The following PLEKHA2 variants were observed in gnomAD, a reference collection of about 807,000 sequenced individuals.
PLEKHA2 encodes pleckstrin homology domain containing A2, also known as pleckstrin homology domain-containing family A member 2.
In PLEKHA2, 28 loss-of-function variants were observed where a neutral mutation model predicts 53.2. The observed-to-expected ratio is 0.53, with a 90% CI of 0.39 to 0.72. The LOEUF (loss-of-function observed/expected upper bound fraction) is 0.72. Among genes scored for constraint, PLEKHA2 ranks in the 30% least tolerant of loss-of-function variants. PLEKHA2 has a pLI of 0.00. For synonymous variants in PLEKHA2, 193 were observed against 196.4 expected (o/e 0.98, Z 0.14); for missense variants, 426 against 537.9 (o/e 0.79, Z 2.06).
intron 11 of PLEKHA2, chr8:38,968,962 G>A (rs1465341142): frequency 8.7e-6 from 3 of 343,208 alleles, no homozygotes; most frequent in Non-Finnish European, 1.6e-5. Flanking sequence ...GCAGTGGCAC[G>A]ATCTCAGCTT....
At chr8:38,937,027 T>C (rs1393372249) in intron 3 of PLEKHA2, among the ~76,000 whole-genome samples, 1 of 152,212 alleles carries the variant, frequency 6.6e-6, no homozygotes, top group Admixed American at 6.5e-5. Context: ...TTGGGAGTCT[T>C]GTACCCTGGC....
In PLEKHA2 at chr8:38,902,677, C is replaced by T. The variant is rs554366504; in HGVS notation, c.-24+1232C>T. 9.2e-5 allele frequency among the ~76,000 whole-genome samples: 14 copies of T among 152,196 alleles called. 1 individual carries two copies. Among genetic ancestry groups the T allele is most frequent in the African/African-American group, 2.4e-4 (10 of 41,516 alleles). ...TTTTTTCTTTGGTTGCGAAGCCTTC[C>T]GAAACAGCAAAGCAAAAGATCTTGA... On this transcript the variant is annotated intron_variant, in intron 1 of 11. Transcript: ENST00000617275.
intron 1 of PLEKHA2, among the ~76,000 whole-genome samples, chr8:38,916,377 T>C (rs1418170469): frequency 6.6e-6 from 1 of 152,224 alleles, no homozygotes; most frequent in East Asian, 1.9e-4. Flanking sequence ...CTAACTATTT[T>C]TTGTACCTAT....
chr8:38,928,236 C>CTTTTTTTT (rs11414317), intron 2 of PLEKHA2, among the ~76,000 whole-genome samples: 12 of 110,144 alleles, frequency 1.1e-4, no homozygotes, highest in South Asian at 3.3e-4. Context: ...CTGACCTGGT[C>CTTTTTTTT]TTTTTTTTTT....
chr8:38,918,865 G>A (rs1834129476), intron 2 of PLEKHA2, among the ~76,000 whole-genome samples: 1 of 152,182 alleles, frequency 6.6e-6, no homozygotes, highest in African/African-American at 2.4e-5. Context: ...GAATGATGCT[G>A]TCCTGACCCT....
At chr8:38,933,978 T>C (rs1381723211) in intron 2 of PLEKHA2, among the ~76,000 whole-genome samples, 1 of 151,934 alleles carries the variant, frequency 6.6e-6, no homozygotes, top group Non-Finnish European at 1.5e-5. Context: ...TCTAAGATTC[T>C]TGGGTTCTGA....
intron 5 of PLEKHA2, among the ~76,000 whole-genome samples, chr8:38,946,963 TC>T (rs1048821976): frequency 1.3e-5 from 2 of 152,158 alleles, no homozygotes; most frequent in Non-Finnish European, 2.9e-5. Flanking sequence ...TTGAGGGGCT[TC>T]CAGTAGTGAC....
chr8:38,965,019 C>A (rs1428271499), intron 10 of PLEKHA2, among the ~76,000 whole-genome samples: 1 of 150,770 alleles, frequency 6.6e-6, no homozygotes, highest in African/African-American at 2.4e-5. Context: ...AGTATCCAGC[C>A]GATTTTAATT....
chr8:38,944,382 T>G lies in PLEKHA2; in HGVS notation c.247+545T>G, dbSNP rs1358362093. On this transcript the variant is annotated intron_variant, in intron 4 of 11. Transcript: ENST00000617275. ...ATACAAAAAAATTAGCTGGGCGTGG[T>G]GGTGAGTACCTGTAATTCCAGCTAC... Among the ~76,000 whole-genome samples the G allele has an allele frequency of 5.3e-5, 8 of 151,834 alleles. 1 individual carries two copies. Among genetic ancestry groups the G allele is most frequent in the Admixed American group, 4.6e-4 (7 of 15,238 alleles).
chr8:38,904,353 G>A (rs1326701469), intron 1 of PLEKHA2, among the ~76,000 whole-genome samples: 1 of 152,258 alleles, frequency 6.6e-6, no homozygotes, highest in East Asian at 1.9e-4. Context: ...CTTTGGCCCT[G>A]TGGTGTGCCT....
At chr8:38,962,606 T>G (rs1289348234) in intron 10 of PLEKHA2, among the ~76,000 whole-genome samples, 1 of 152,236 alleles carries the variant, frequency 6.6e-6, no homozygotes, top group Non-Finnish European at 1.5e-5. Context: ...CAAAATCACA[T>G]TTCAATTCTT....
At chr8:38,921,523 C>T (rs1331529071) in intron 2 of PLEKHA2, among the ~76,000 whole-genome samples, 1 of 152,178 alleles carries the variant, frequency 6.6e-6, no homozygotes, top group East Asian at 1.9e-4. Flanking sequence ...TCAGGATTCC[C>T]CTCACTCTGA....
At chr8:38,928,955 C>T (rs909343744) in intron 2 of PLEKHA2, among the ~76,000 whole-genome samples, 1 of 152,172 alleles carries the variant, frequency 6.6e-6, no homozygotes, top group East Asian at 1.9e-4. Flanking sequence ...TTTGGTTGCT[C>T]ATGTCAGGGT....
intron 10 of PLEKHA2, among the ~76,000 whole-genome samples, chr8:38,964,865 TTTTTTTTTTTTTTTTTTG>T: frequency 7.9e-6 from 1 of 126,266 alleles, no homozygotes; most frequent in African/African-American, 3.1e-5. Context: ...TTTTTTTTTT[TTTTTTTTTTTTTTTTTTG>T]CAAAGGTTAG....
chr8:38,962,890 C>T (rs1467025983), intron 10 of PLEKHA2, among the ~76,000 whole-genome samples: 2 of 151,450 alleles, frequency 1.3e-5, no homozygotes, highest in Non-Finnish European at 1.5e-5. Flanking sequence ...ATGATGTCAC[C>T]TAGAACTATG....
At chr8:38,915,184 G>A (rs757330123) in intron 1 of PLEKHA2, among the ~76,000 whole-genome samples, 2 of 152,142 alleles carry the variant, frequency 1.3e-5, no homozygotes, top group Non-Finnish European at 2.9e-5. Context: ...GGCCTCAAGC[G>A]ATCCTCCCAC....
chr8:38,946,570 C>T (rs1019928498), intron 5 of PLEKHA2, among the ~76,000 whole-genome samples: 3 of 152,168 alleles, frequency 2.0e-5, no homozygotes, highest in Non-Finnish European at 4.4e-5. Context: ...AGGGGAAAAG[C>T]ATATGGGGAG....
Position 38,937,521 on chromosome 8 carries a change from G to A in PLEKHA2, c.198+1471G>A, listed in dbSNP as rs189638849. ...GCCTTTTTTTTTTATTTTTGGTTGG[G>A]GAAGAATGAATTCAGTCTCCTGCTG... On this transcript the variant is annotated intron_variant, in intron 3 of 11. Transcript: ENST00000617275. Among the ~76,000 whole-genome samples the A allele has an allele frequency of 5.3e-5, 8 of 152,196 alleles. No individual in the cohort carries two copies. In the East Asian group the frequency reaches 1.5e-3, roughly 29 times the overall value.
chr8:38,920,331 T>G (rs1314976502), intron 2 of PLEKHA2, among the ~76,000 whole-genome samples: 6 of 152,062 alleles, frequency 3.9e-5, no homozygotes, highest in African/African-American at 1.4e-4. Flanking sequence ...TTTGTATTTT[T>G]TTTTAGTAGA....
Sources: gnomAD v4.1 joint callset for allele counts (sites outside exome capture counted in the v4.1 genomes callset) on GRCh38, gnomAD v4.1.1 for gene constraint, MANE v1.5 for transcripts, NCBI Gene and HGNC (gene_info 2026-07-23, HGNC 2026-07-21) for gene names.